Variants in ASPRV1 observed in about 807,000 individuals in gnomAD.
ASPRV1 encodes the protein retroviral-like aspartic protease 1.
In ASPRV1, 7 loss-of-function variants were observed where a neutral mutation model predicts 11.0. The ratio of observed to expected loss-of-function variants is 0.64; its 90% CI spans 0.36 to 1.20. The LOEUF (loss-of-function observed/expected upper bound fraction) is 1.20. Among genes scored for constraint, ASPRV1 ranks in the 50% most tolerant of loss-of-function variants. The pLI is 0.02. For missense variants in ASPRV1, 299 were observed against 320.0 expected (o/e 0.93, Z 0.50); for synonymous variants, 136 against 138.4 (o/e 0.98, Z 0.12).
At chr2:70,061,838 C>T in the ASPRV1 span, among the ~76,000 whole-genome samples, 7 of 151,436 alleles carry the variant, frequency 4.6e-5, no homozygotes, top group Non-Finnish European at 8.8e-5. Context: ...TGGTGGACGC[C>T]TGCATTCCTA....
Position 69,960,813 on chromosome 2 carries a change from G to C in ASPRV1, c.624C>G (p.His208Gln). The part of the protein sequence containing the change: ...AIIGTDVLQD[H>Q]NAILDFEHRT... ...GGTGCTCAAAGTCCAGGATAGCATT[G>C]TGGTCCTGGAGCACATCAGTGCCAA... Residue 208 changes from histidine (H) to glutamine (Q), a missense_variant, in exon 1 of 1, where the codon CAC becomes CAG. Coordinates refer to ENST00000320256, the MANE Select transcript of ASPRV1 (RefSeq NM_152792.4). 1 of 1,614,112 alleles carries C rather than the reference G, an allele frequency of 6.2e-7. No homozygotes were observed. Among genetic ancestry groups the C allele is most frequent in the Non-Finnish European group, 8.5e-7 (1 of 1,180,030 alleles).
the ASPRV1 span, among the ~76,000 whole-genome samples, chr2:70,006,821 T>C: frequency 6.6e-6 from 1 of 152,174 alleles, no homozygotes; most frequent in Non-Finnish European, 1.5e-5. Context: ...ACCCTTGACC[T>C]AGCAGGTACA....
the ASPRV1 span, among the ~76,000 whole-genome samples, chr2:70,009,895 G>A: frequency 6.6e-6 from 1 of 152,172 alleles, no homozygotes; most frequent in Non-Finnish European, 1.5e-5. Flanking sequence ...TCTGTAGGGC[G>A]AAGCCCCACG....
chr2:70,005,453 AATTTT>A, the ASPRV1 span, among the ~76,000 whole-genome samples: 3 of 152,046 alleles, frequency 2.0e-5, no homozygotes, highest in African/African-American at 7.3e-5. Flanking sequence ...CCAAATTGTC[AATTTT>A]ATTTGTCTTA....
At chr2:69,998,367 C>T in the ASPRV1 span, among the ~76,000 whole-genome samples, 7 of 151,994 alleles carry the variant, frequency 4.6e-5, no homozygotes, top group Non-Finnish European at 7.4e-5. Context: ...AAAAAAGAAC[C>T]TAGCAAATCT....
the ASPRV1 span, among the ~76,000 whole-genome samples, chr2:69,980,465 CACAT>C: frequency 6.2e-3 from 944 of 152,282 alleles, 10 homozygotes; most frequent in African/African-American, 0.021. Context: ...TACATGCACA[CACAT>C]ACATACAAAT....
At chr2:70,069,920 G>C in the ASPRV1 span, among the ~76,000 whole-genome samples, 5 of 152,090 alleles carry the variant, frequency 3.3e-5, no homozygotes, top group African/African-American at 1.2e-4. Flanking sequence ...AAGACTTTAA[G>C]TTTTTAAGTC....
chr2:69,990,968 C>G, the ASPRV1 span, among the ~76,000 whole-genome samples: 1 of 152,160 alleles, frequency 6.6e-6, no homozygotes, highest in Non-Finnish European at 1.5e-5. Context: ...AACTCCGCAC[C>G]ACACCGGCAC....
chr2:69,963,347 C>T (rs970671820), upstream of ASPRV1: 5 of 456,534 alleles, frequency 1.1e-5, no homozygotes, highest in Admixed American at 1.2e-4. Flanking sequence ...AGAGAAATGG[C>T]CCAGCCACAC....
chr2:70,027,577 C>G, the ASPRV1 span, among the ~76,000 whole-genome samples: 1 of 152,124 alleles, frequency 6.6e-6, no homozygotes, highest in East Asian at 1.9e-4. Context: ...GAAATTCTGT[C>G]ATTTGCAGTA....
the ASPRV1 span, among the ~76,000 whole-genome samples, chr2:70,076,769 T>C: frequency 1.3e-5 from 2 of 152,330 alleles, no homozygotes; most frequent in East Asian, 1.9e-4. Context: ...CACAGTACAG[T>C]GTGCAGTATT....
the ASPRV1 span, among the ~76,000 whole-genome samples, chr2:69,953,378 T>G: frequency 8.5e-5 from 13 of 152,126 alleles, no homozygotes. Context: ...GGACAGCACA[T>G]GGGGTGGGTG....
chr2:70,084,809 C>A, the ASPRV1 span, among the ~76,000 whole-genome samples: 1 of 152,098 alleles, frequency 6.6e-6, no homozygotes, highest in Non-Finnish European at 1.5e-5. Context: ...AGGCTTAGAA[C>A]AATGCCCAGC....
At chr2:70,007,286 G>A in the ASPRV1 span, among the ~76,000 whole-genome samples, 1 of 152,140 alleles carries the variant, frequency 6.6e-6, no homozygotes, top group Non-Finnish European at 1.5e-5. Context: ...GGGAGGCTGA[G>A]GCGGGTGGAT....
At chr2:70,042,617 G>C in the ASPRV1 span, among the ~76,000 whole-genome samples, 2 of 152,222 alleles carry the variant, frequency 1.3e-5, no homozygotes, top group Non-Finnish European at 2.9e-5. Flanking sequence ...CACATGCCCA[G>C]GAGTTCTTCC....
the ASPRV1 span, among the ~76,000 whole-genome samples, chr2:69,943,196 G>A: frequency 3.9e-3 from 601 of 152,236 alleles, 4 homozygotes; most frequent in African/African-American, 0.014. Context: ...TCACCTGCTC[G>A]TTGACTCATT....
chr2:69,953,738 C>T, the ASPRV1 span, among the ~76,000 whole-genome samples: 1 of 152,082 alleles, frequency 6.6e-6, no homozygotes, highest in East Asian at 1.9e-4. Flanking sequence ...GAGCAAGTCT[C>T]ACTCTGTTGC....
At chr2:69,964,941 A>G (rs551690859), upstream of ASPRV1, among the ~76,000 whole-genome samples, 1 of 152,240 alleles carries the variant, frequency 6.6e-6, no homozygotes, top group African/African-American at 2.4e-5. Context: ...TGGGCAAATC[A>G]AGACAAGCCC....
the ASPRV1 span, among the ~76,000 whole-genome samples, chr2:69,981,618 G>A: frequency 2.0e-5 from 3 of 152,136 alleles, no homozygotes; most frequent in African/African-American, 4.8e-5. Flanking sequence ...GTGCAGTGGC[G>A]CGATCTCGGC....
Sources: gnomAD v4.1 joint callset for allele counts (sites outside exome capture counted in the v4.1 genomes callset) on GRCh38, gnomAD v4.1.1 for gene constraint, MANE v1.5 for transcripts, NCBI Gene and HGNC (gene_info 2026-07-23, HGNC 2026-07-21) for gene names.